Variants in ADAP1 observed in about 807,000 individuals in gnomAD.
ADAP1 encodes arf-GAP with dual PH domain-containing protein 1.
A neutral mutation model predicts 54.9 loss-of-function variants in ADAP1; 31 were observed. The ratio of observed to expected loss-of-function variants is 0.56; its 90% CI spans 0.42 to 0.76. The LOEUF is 0.76. ADAP1 is among the 30% of genes least tolerant of loss of function. The pLI is 0.00. For synonymous variants in ADAP1, 313 were observed against 202.6 expected, an observed-to-expected ratio of 1.55 and a Z score of -4.63; for missense variants, 535 against 512.4, an observed-to-expected ratio of 1.04 and a Z score of -0.42.
In ADAP1 at chr7:904,970, C is replaced by T. The variant is rs113779430; in HGVS notation, c.501+90G>A. The T allele has an allele frequency of 4.7e-4, 537 of 1,146,900 alleles. 1 individual carries two copies. In the African/African-American group the frequency reaches 5.4e-3, roughly 12 times the overall value. The allele number at this position is 1,146,900 out of a possible 1,614,324, so 71.0% of individuals were successfully genotyped here. ...GGGGGGGCAGCAGGGAGGGCAGCTG[C>T]GGATGGACGCGGCCACCACAGGCCC... On this transcript the variant is annotated intron_variant, in intron 5 of 10. Transcript: ENST00000265846.
chr7:900,473 T>TCCCC, intron 7 of ADAP1, 60 bp downstream of exon 7: 1 of 1,486,580 alleles, frequency 6.7e-7, no homozygotes, highest in Non-Finnish European at 9.2e-7. Context: ...GAGGGCTCCG[T>TCCCC]CCACCCCCCA....
intron 6 of ADAP1, among the ~76,000 whole-genome samples, chr7:901,679 T>G (rs1182685365): frequency 6.7e-6 from 1 of 149,962 alleles, no homozygotes; most frequent in Non-Finnish European, 1.5e-5. Flanking sequence ...AGCCCTGCTT[T>G]CTCCTGTGGC....
chr7:931,363 G>A (rs1042694058), intron 2 of ADAP1, among the ~76,000 whole-genome samples: 7 of 152,190 alleles, frequency 4.6e-5, no homozygotes, highest in Non-Finnish European at 1.0e-4. Flanking sequence ...TAAAGCAAAC[G>A]TGTTCCATCC....
At chr7:914,811 G>A (rs182966318) in intron 4 of ADAP1, among the ~76,000 whole-genome samples, 6 of 152,250 alleles carry the variant, frequency 3.9e-5, no homozygotes, top group Non-Finnish European at 8.8e-5. Context: ...GACAGTCACC[G>A]CCTGCTGGTC....
In ADAP1 at chr7:900,620, G is replaced by GGGGCAAAGGGGGGCAAAGGC. The variant is rs199900149; in HGVS notation, c.649-5_649-4insGCCTTTGCCCCCCTTTGCCC. 12 of 1,515,780 alleles carry GGGGCAAAGGGGGGCAAAGGC rather than the reference G, an allele frequency of 7.9e-6. No homozygotes were observed. The highest frequency in any genetic ancestry group is 1.1e-5 in the Non-Finnish European group (12 of 1,124,766). The allele number at this position is 1,515,780 out of a possible 1,614,324, so 93.9% of individuals were successfully genotyped here. A position where few individuals can be genotyped will look rare whatever the true frequency, so the allele number is the denominator to read the frequency against. The stretch of plus-strand genomic sequence containing the variant: ...CATTGAACCAGTCCACAATCTCCTA[G>GGGGCAAAGGGGGGCAAAGGC]GGGCAAAGGTGGGCACAGGCTTGGG... On this transcript the variant is annotated splice_polypyrimidine_tract_variant and splice_region_variant and intron_variant, in intron 6 of 10. Coordinates refer to ENST00000265846, the MANE Select transcript of ADAP1 (RefSeq NM_006869.4).
chr7:913,770 A>G (rs1372703647), intron 4 of ADAP1, among the ~76,000 whole-genome samples: 1 of 152,032 alleles, frequency 6.6e-6, no homozygotes, highest in Admixed American at 6.6e-5. Context: ...TCCTGTCTCT[A>G]CTAAAAATAT....
chr7:922,577 C>T (rs3808342), intron 3 of ADAP1, among the ~76,000 whole-genome samples: 3,219 of 152,248 alleles, frequency 0.021, 87 homozygotes, highest in East Asian at 0.12. Context: ...ACAGCTGGCA[C>T]GTCCATCCCT....
intron 1 of ADAP1, among the ~76,000 whole-genome samples, chr7:936,678 G>C (rs1846769466): frequency 6.6e-6 from 1 of 152,232 alleles, no homozygotes; most frequent in South Asian, 2.1e-4. Flanking sequence ...ATGGCTGAAA[G>C]GCACCCTAGA....
At chr7:904,002 C>G in intron 6 of ADAP1, 124 bp downstream of exon 6, 6 of 1,334,136 alleles carry the variant, frequency 4.5e-6, no homozygotes, top group Non-Finnish European at 6.0e-6. Flanking sequence ...TTCCCGCCTT[C>G]TCATGCCGCC....
At chr7:934,895 G>A (rs1037103395) in intron 2 of ADAP1, among the ~76,000 whole-genome samples, 4 of 152,202 alleles carry the variant, frequency 2.6e-5, no homozygotes, top group Admixed American at 2.6e-4. Flanking sequence ...CACCTCAGAG[G>A]CCGCCCAGGG....
At chr7:925,807 G>A (rs977303680) in intron 3 of ADAP1, among the ~76,000 whole-genome samples, 1 of 152,232 alleles carries the variant, frequency 6.6e-6, no homozygotes, top group East Asian at 1.9e-4. Flanking sequence ...CTGCGGGGTG[G>A]GCCCTCTGCT....
In ADAP1 at chr7:926,573, C is replaced by T; in HGVS notation, c.285G>A (p.Arg95=). 1 of 1,540,280 alleles carries T rather than the reference C, an allele frequency of 6.5e-7. No homozygotes were observed. The highest frequency in any genetic ancestry group is 2.5e-5 in the East Asian group (1 of 39,848). Residue 95 remains arginine, a synonymous_variant, in exon 3 of 11, where the codon CGG becomes CGA. Coordinates refer to ENST00000265846, the MANE Select transcript of ADAP1 (RefSeq NM_006869.4). This position sits in a 1 kb window ranked among gnomAD's most constrained non-coding sequence, Gnocchi z 4.6. ...FESKVPSFYY[R]PTPSDCQLLR... is the part of the protein sequence containing the mutation. ...CTCACTGGCAGTCGGAGGGCGTGGGCCGGTAGTAGAAGGAGGGTACTTTGG... is the reference window on the plus strand; with the variant it reads ...CTCACTGGCAGTCGGAGGGCGTGGGTCGGTAGTAGAAGGAGGGTACTTTGG...
chr7:954,656 T>C lies in ADAP1; in HGVS notation c.-179A>G. The C allele has an allele frequency of 1.0e-6, 1 of 982,030 alleles. No homozygotes were observed. The highest frequency in any genetic ancestry group is 1.2e-6 in the Non-Finnish European group (1 of 829,094). The allele number at this position is 982,030 out of a possible 1,614,324, so 60.8% of individuals were successfully genotyped here. A position where few individuals can be genotyped will look rare whatever the true frequency, so the allele number is the denominator to read the frequency against. On this transcript the variant is annotated 5_prime_UTR_variant, in exon 1 of 11. Coordinates refer to ENST00000265846, the MANE Select transcript of ADAP1 (RefSeq NM_006869.4). ...CTGGGCTCCGCCGCCGCCGCTCGTG[T>C]CTCCGCCGCGGTCGCTGAGCGAGTG...
chr7:947,720 G>A (rs62433091), intron 1 of ADAP1, among the ~76,000 whole-genome samples: 34,615 of 151,952 alleles, frequency 0.23, 4,251 homozygotes, highest in South Asian at 0.41. Flanking sequence ...CTGCAGCAGC[G>A]TCCCACCCAC....
At chr7:913,523 C>A (rs1372157700) in intron 4 of ADAP1, among the ~76,000 whole-genome samples, 9 of 152,086 alleles carry the variant, frequency 5.9e-5, no homozygotes, top group Non-Finnish European at 1.3e-4. Flanking sequence ...TTTACTTGTT[C>A]CATTCTTTAT....
rs552036991 is a variant in ADAP1 at position 938,617 on chromosome 7, C to T, written c.83-3112G>A. Among the ~76,000 whole-genome samples the T allele has an allele frequency of 4.6e-5, 7 of 152,192 alleles. No homozygotes were observed. Among genetic ancestry groups the T allele is most frequent in the Non-Finnish European group, 1.0e-4 (7 of 68,040 alleles). ...CTTGGTGAAAGATGCCGCAAATGCT[C>T]GGTACGTGGCTGTGCGAGGGGCGCC... On this transcript the variant is annotated intron_variant, in intron 1 of 10. Coordinates refer to ENST00000265846, the MANE Select transcript of ADAP1 (RefSeq NM_006869.4). The surrounding 1 kb of genome is among the most constrained non-coding windows in gnomAD (Gnocchi z 4.4).
rs747942601 is a variant in ADAP1 at position 898,980 on chromosome 7, A to C, written c.1097-31T>G. Reference sequence around the variant, plus strand: ...ACGGAACAGGGTCCAGCGTTGTCACAGCGGCGGGGAGCTGGGAGCCCTTCC... The same window carrying C: ...ACGGAACAGGGTCCAGCGTTGTCACCGCGGCGGGGAGCTGGGAGCCCTTCC... On this transcript the variant is annotated intron_variant, in intron 10 of 10. Transcript: ENST00000265846. The C allele has an allele frequency of 1.9e-6, 3 of 1,609,862 alleles. No individual in the cohort carries two copies. In the African/African-American group the frequency reaches 4.0e-5, roughly 22 times the overall value.
chr7:904,360 G>A, intron 5 of ADAP1, 88 bp from the exon 6 acceptor site: 1 of 1,485,710 alleles, frequency 6.7e-7, no homozygotes, highest in Non-Finnish European at 9.0e-7. Context: ...GGTGCTGGCG[G>A]CGCACCTGCT....
At chr7:900,679 G>GGGGCTGGGGTCCCCACAGAA in intron 6 of ADAP1, 63 bp from the exon 7 acceptor site, 1 of 1,316,910 alleles carries the variant, frequency 7.6e-7, no homozygotes, top group Non-Finnish European at 1.1e-6. Context: ...TCCCCACAGA[G>GGGGCTGGGGTCCCCACAGAA]GGGCTGGGGT....
Sources: gnomAD v4.1 joint callset for allele counts (sites outside exome capture counted in the v4.1 genomes callset) on GRCh38, gnomAD v4.1.1 for gene constraint, Gnocchi (gnomAD v3.1) non-coding constraint, MANE v1.5 for transcripts, NCBI Gene and HGNC (gene_info 2026-07-23, HGNC 2026-07-21) for gene names.